Variants in RIN3 observed in about 807,000 individuals in gnomAD.
The protein encoded by RIN3 is Ras and Rab interactor 3, also known as RAB5 interacting protein 3.
In RIN3, 54 loss-of-function variants were observed where a neutral mutation model predicts 76.3. The observed-to-expected ratio is 0.71, with a 90% CI of 0.57 to 0.89. The LOEUF (loss-of-function observed/expected upper bound fraction) is 0.89. Among genes scored for constraint, RIN3 ranks in the 40% least tolerant of loss-of-function variants. The probability of loss-of-function intolerance (pLI) is 0.00; values close to 1 mark genes in which losing one functional copy is unlikely to be tolerated. For missense variants in RIN3, 1,256 were observed against 1,322.1 expected, an observed-to-expected ratio of 0.95 and a Z score of 0.78; for synonymous variants, 576 against 564.0, an observed-to-expected ratio of 1.02 and a Z score of -0.30.
chr14:92,534,122 T>C (rs1896942065), intron 1 of RIN3, among the ~76,000 whole-genome samples: 2 of 152,142 alleles, frequency 1.3e-5, no homozygotes, highest in Admixed American at 1.3e-4. Context: ...GAGATAGCCT[T>C]CTTGAGTTTA....
chr14:92,564,816 G>T (rs1244034431), intron 2 of RIN3, among the ~76,000 whole-genome samples: 4 of 152,166 alleles, frequency 2.6e-5, no homozygotes, highest in Non-Finnish European at 5.9e-5. Context: ...GAGGAAACGC[G>T]CACACACACG....
intron 4 of RIN3, among the ~76,000 whole-genome samples, chr14:92,634,913 C>G (rs1886721465): frequency 6.6e-6 from 1 of 151,532 alleles, no homozygotes; most frequent in Non-Finnish European, 1.5e-5. Context: ...GCTAGGGACT[C>G]TTGGTTGGAA....
At chr14:92,674,433 A>C (rs886883493) in intron 7 of RIN3, among the ~76,000 whole-genome samples, 14 of 152,196 alleles carry the variant, frequency 9.2e-5, no homozygotes, top group Non-Finnish European at 2.1e-4. Flanking sequence ...ATCTCTACCA[A>C]ATAATATACA....
At chr14:92,641,438 C>A (rs1027203618) in intron 5 of RIN3, 109 bp downstream of exon 5, 1 of 759,682 alleles carries the variant, frequency 1.3e-6, no homozygotes. Context: ...TCCCAGCTCC[C>A]ATGGGACCAC....
chr14:92,537,634 C>CTTGTTTTTTTTT (rs1897030271), intron 1 of RIN3, among the ~76,000 whole-genome samples: 1 of 51,628 alleles, frequency 1.9e-5, no homozygotes, highest in Non-Finnish European at 3.4e-5. Flanking sequence ...GCCTTAGGGA[C>CTTGTTTTTTTTT]TTTTTTTTTT....
At chr14:92,644,486 G>A (rs1352864065) in intron 5 of RIN3, 2 of 152,080 alleles carry the variant, frequency 1.3e-5, no homozygotes, top group Admixed American at 6.5e-5. Context: ...TCTCTCCTGG[G>A]AGAGTTTGAT....
intron 5 of RIN3, among the ~76,000 whole-genome samples, chr14:92,647,143 C>G (rs1026049486): frequency 1.7e-4 from 26 of 152,142 alleles, no homozygotes; most frequent in African/African-American, 6.0e-4. Context: ...ACCAGGCCTG[C>G]TTTTGAGATA....
At chr14:92,671,865 AGT>A (rs2140164391) in intron 7 of RIN3, among the ~76,000 whole-genome samples, 2 of 152,306 alleles carry the variant, frequency 1.3e-5, no homozygotes, top group South Asian at 4.1e-4. Context: ...GTAGAAACTG[AGT>A]GTGGCCAGAA....
intron 1 of RIN3, among the ~76,000 whole-genome samples, chr14:92,543,739 C>T (rs1185314162): frequency 6.6e-6 from 1 of 151,420 alleles, no homozygotes; most frequent in Non-Finnish European, 1.5e-5. Context: ...CCCGCCACCA[C>T]ACCCGGCTAA....
chr14:92,576,924 G>A (rs1898259080), intron 2 of RIN3, among the ~76,000 whole-genome samples: 1 of 152,114 alleles, frequency 6.6e-6, no homozygotes, highest in South Asian at 2.1e-4. Context: ...ACGTGCTGGG[G>A]TGAGAGTTGA....
At chr14:92,637,932 C>T (rs1418151164) in intron 4 of RIN3, among the ~76,000 whole-genome samples, 1 of 152,174 alleles carries the variant, frequency 6.6e-6, no homozygotes, top group Non-Finnish European at 1.5e-5. Flanking sequence ...CTCCCTGAGC[C>T]TCTGTGTCCT....
intron 1 of RIN3, among the ~76,000 whole-genome samples, chr14:92,540,854 A>G (rs1209200020): frequency 1.3e-5 from 2 of 152,196 alleles, no homozygotes; most frequent in African/African-American, 4.8e-5. Context: ...TGCTGGAAGG[A>G]ACCTTAGTCC....
chr14:92,592,641 TGTATTATTATTA>T (rs1258062237), intron 3 of RIN3, among the ~76,000 whole-genome samples: 3 of 131,276 alleles, frequency 2.3e-5, no homozygotes, highest in African/African-American at 6.0e-5. Flanking sequence ...TTTTAAATTT[TGTATTATTATTA>T]TTATTATTAT....
intron 3 of RIN3, among the ~76,000 whole-genome samples, chr14:92,587,442 G>A (rs950213796): frequency 6.6e-6 from 1 of 152,242 alleles, no homozygotes; most frequent in Non-Finnish European, 1.5e-5. Flanking sequence ...CATAGGGACA[G>A]TGGAGGAGTT....
At chr14:92,545,996 G>A (rs1897255284) in intron 1 of RIN3, among the ~76,000 whole-genome samples, 1 of 151,546 alleles carries the variant, frequency 6.6e-6, no homozygotes, top group Non-Finnish European at 1.5e-5. Flanking sequence ...CATGATCTCG[G>A]CTCACTGCAA....
rs547851651 is a variant in RIN3, at chr14:92,587,706, CTT to C, written c.367+10232_367+10233del. ...CAGAAACCACTGCACAGACACCCCT[CTT>C]TTGGAAGTGACTGCAAGTGGGGTCA... On this transcript the variant is annotated intron_variant, in intron 3 of 9. Transcript: ENST00000216487. 1.1e-3 allele frequency among the ~76,000 whole-genome samples: 162 copies of C among 152,002 alleles called. 1 individual carries two copies. Among genetic ancestry groups the C allele is most frequent in the African/African-American group, 3.7e-3 (153 of 41,446 alleles).
intron 3 of RIN3, among the ~76,000 whole-genome samples, chr14:92,597,122 G>A (rs1595443969): frequency 1.3e-5 from 2 of 152,192 alleles, no homozygotes; most frequent in African/African-American, 2.4e-5. Context: ...AGCATTTTGC[G>A]AAAAGCATGA....
At chr14:92,524,258 C>T (rs1952329) in intron 1 of RIN3, among the ~76,000 whole-genome samples, 9,653 of 152,216 alleles carry the variant, frequency 0.063, 1,042 homozygotes, top group African/African-American at 0.22. Context: ...GTGTTCTTGC[C>T]GGATGCTGCC....
chr14:92,668,109 G>A (rs932124530), intron 7 of RIN3, among the ~76,000 whole-genome samples: 2 of 152,132 alleles, frequency 1.3e-5, no homozygotes, highest in African/African-American at 4.8e-5. Context: ...ACCACTCCAG[G>A]GGATGTGGAC....
Sources: allele counts gnomAD v4.1 joint callset (sites outside exome capture counted in the v4.1 genomes callset), GRCh38; gene constraint gnomAD v4.1.1; transcripts MANE v1.5; gene names NCBI Gene and HGNC (gene_info 2026-07-23, HGNC 2026-07-21).